The following PCDH15 variants were observed in gnomAD, a reference collection of about 807,000 sequenced individuals.
PCDH15 encodes the protein protocadherin-15.
Under a neutral mutation model 178.5 loss-of-function variants are expected in PCDH15, and 129 were observed. The ratio of observed to expected loss-of-function variants is 0.72; its 90% confidence interval spans 0.63 to 0.84. PCDH15 has a LOEUF of 0.84. Ranked by LOEUF, PCDH15 falls within the 40% of genes least tolerant of loss-of-function variation. The probability of loss-of-function intolerance (pLI) is 0.00; values close to 1 mark genes in which losing one functional copy is unlikely to be tolerated. For synonymous variants in PCDH15, 800 were observed against 732.0 expected, an observed-to-expected ratio of 1.09 and a Z score of -1.50; for missense variants, 2,230 against 2,099.9, an observed-to-expected ratio of 1.06 and a Z score of -1.21.
At chr10:53,860,156 G>A (rs894477788) in intron 27 of PCDH15, among the ~76,000 whole-genome samples, 1 of 152,152 alleles carries the variant, frequency 6.6e-6, no homozygotes, top group Non-Finnish European at 1.5e-5. Flanking sequence ...TGACATCTGA[G>A]ATCCAGGTGT....
chr10:53,941,070 T>C (rs186224435), intron 23 of PCDH15, 95 bp from the exon 24 acceptor site: 1 of 839,094 alleles, frequency 1.2e-6, no homozygotes, highest in African/African-American at 1.7e-5. Flanking sequence ...ATAAGAGATT[T>C]CTGATATACC....
intron 3 of PCDH15, among the ~76,000 whole-genome samples, chr10:54,854,898 C>T (rs1179365310): frequency 1.3e-5 from 2 of 152,216 alleles, no homozygotes; most frequent in Non-Finnish European, 2.9e-5. Context: ...CCCCCTTCCA[C>T]CCAGGAAACC....
At chr10:55,218,655 A>G (rs1840778898) in intron 1 of PCDH15, among the ~76,000 whole-genome samples, 1 of 152,018 alleles carries the variant, frequency 6.6e-6, no homozygotes, top group Non-Finnish European at 1.5e-5. Context: ...GTTAAAATCA[A>G]TCTGGGAAAA....
chr10:55,092,820 T>C (rs1032298759), intron 2 of PCDH15, among the ~76,000 whole-genome samples: 3 of 151,938 alleles, frequency 2.0e-5, no homozygotes, highest in Non-Finnish European at 2.9e-5. Flanking sequence ...AAATACATAA[T>C]CTAGACTCAC....
At chr10:54,163,815 C>A (rs1230955822) in intron 13 of PCDH15, among the ~76,000 whole-genome samples, 1 of 151,986 alleles carries the variant, frequency 6.6e-6, no homozygotes, top group African/African-American at 2.4e-5. Flanking sequence ...ACTGAAATAA[C>A]AATTATAATA....
intron 2 of PCDH15, among the ~76,000 whole-genome samples, chr10:54,634,874 T>G (rs2093805916): frequency 6.6e-6 from 1 of 151,946 alleles, no homozygotes; most frequent in African/African-American, 2.4e-5. Flanking sequence ...TGTCACTGCC[T>G]TGGATTATAA....
chr10:54,790,069 C>T (rs1397096459), intron 1 of PCDH15, among the ~76,000 whole-genome samples: 2 of 151,798 alleles, frequency 1.3e-5, no homozygotes, highest in Admixed American at 1.3e-4. Context: ...TAGGGGGATC[C>T]TTCCCCAAGT....
At chr10:55,282,420 C>T (rs1054935740) in intron 1 of PCDH15, among the ~76,000 whole-genome samples, 1 of 152,162 alleles carries the variant, frequency 6.6e-6, no homozygotes, top group African/African-American at 2.4e-5. Context: ...CTATTTTACA[C>T]TGTTATTACA....
At chr10:53,935,864 A>C (rs2085529008) in intron 25 of PCDH15, among the ~76,000 whole-genome samples, 1 of 151,970 alleles carries the variant, frequency 6.6e-6, no homozygotes, top group African/African-American at 2.4e-5. Context: ...ATATAGAAGT[A>C]ATAAAAATAA....
chr10:53,969,410 T>G (rs2089423265), intron 21 of PCDH15, among the ~76,000 whole-genome samples: 2 of 152,176 alleles, frequency 1.3e-5, no homozygotes, highest in Admixed American at 6.5e-5. Context: ...ACAGTGAGAA[T>G]GGAACCAAGT....
At chr10:54,216,713 A>C (rs1327608852) in intron 9 of PCDH15, among the ~76,000 whole-genome samples, 2 of 152,278 alleles carry the variant, frequency 1.3e-5, no homozygotes, top group Middle Eastern at 3.4e-3. Context: ...AAGTGTTGTA[A>C]AATTTATGAA....
intron 2 of PCDH15, among the ~76,000 whole-genome samples, chr10:55,020,332 C>T (rs1840291515): frequency 6.6e-6 from 1 of 150,404 alleles, no homozygotes; most frequent in Non-Finnish European, 1.5e-5. Context: ...AATTGAAACA[C>T]AGAGTGTAGT....
intron 5 of PCDH15, among the ~76,000 whole-genome samples, chr10:54,365,493 A>G (rs1392379039): frequency 3.9e-5 from 6 of 152,136 alleles, no homozygotes; most frequent in Non-Finnish European, 7.4e-5. Context: ...AAAGATCATT[A>G]AAAACCAGAC....
At chr10:54,090,625 C>T (rs1454251853) in intron 15 of PCDH15, among the ~76,000 whole-genome samples, 4 of 121,640 alleles carry the variant, frequency 3.3e-5, no homozygotes, top group Non-Finnish European at 6.6e-5. Flanking sequence ...GCCTGGGCAA[C>T]AGAGCAAGAT....
intron 2 of PCDH15, among the ~76,000 whole-genome samples, chr10:55,445,929 C>CCAGACA (rs1839305723): frequency 6.6e-6 from 1 of 152,036 alleles, no homozygotes; most frequent in African/African-American, 2.4e-5. Flanking sequence ...TTGAGAAACA[C>CCAGACA]CAGACACAGA....
chr10:55,627,522 G>A (rs1383130200), intron 2 of PCDH15: 3 of 152,190 alleles, frequency 2.0e-5, no homozygotes, highest in Non-Finnish European at 2.9e-5. Context: ...AAAAGCGGGG[G>A]TGGGGTGTGC....
At chr10:54,102,035 C>T (rs993125885) in intron 15 of PCDH15, among the ~76,000 whole-genome samples, 1 of 152,072 alleles carries the variant, frequency 6.6e-6, no homozygotes, top group Admixed American at 6.5e-5. Context: ...TCTCTAAATA[C>T]TGTTCTAAAG....
intron 2 of PCDH15, chr10:54,600,173 A>G: frequency 1.5e-6 from 1 of 670,548 alleles, no homozygotes; most frequent in South Asian, 1.5e-5. Context: ...GCCATGGAGG[A>G]GGCAGTCACC....
intron 26 of PCDH15, among the ~76,000 whole-genome samples, chr10:53,884,226 A>G (rs1293184259): frequency 6.6e-6 from 1 of 152,176 alleles, no homozygotes; most frequent in Non-Finnish European, 1.5e-5. Context: ...TTGTACTGAA[A>G]AGGAGTAAGA....
Sources: gnomAD v4.1 joint callset for allele counts (sites outside exome capture counted in the v4.1 genomes callset) on GRCh38, gnomAD v4.1.1 for gene constraint, MANE v1.5 for transcripts, NCBI Gene and HGNC (gene_info 2026-07-23, HGNC 2026-07-21) for gene names.